Variants in AMBRA1 observed in about 807,000 individuals in gnomAD.
The protein encoded by AMBRA1 is autophagy and beclin 1 regulator 1.
Under a neutral mutation model 125.4 loss-of-function variants are expected in AMBRA1, and 47 were observed. The ratio of observed to expected loss-of-function variants is 0.37; its 90% CI spans 0.30 to 0.48. The LOEUF (loss-of-function observed/expected upper bound fraction) is 0.48, where lower values mean the gene tolerates loss of function less well. Among genes scored for constraint, AMBRA1 ranks in the 20% least tolerant of loss-of-function variants. The pLI is 0.99. For synonymous variants in AMBRA1, 626 were observed against 655.5 expected, an observed-to-expected ratio of 0.95 and a Z score of 0.69; for missense variants, 1,331 against 1,693.4, an observed-to-expected ratio of 0.79 and a Z score of 3.76.
At chr11:46,572,068 C>T (rs1205607791) in intron 1 of AMBRA1, among the ~76,000 whole-genome samples, 3 of 152,028 alleles carry the variant, frequency 2.0e-5, no homozygotes, top group Non-Finnish European at 2.9e-5. Flanking sequence ...TTTGCGAGGC[C>T]GAGGTGGGTG....
intron 17 of AMBRA1, among the ~76,000 whole-genome samples, chr11:46,407,035 C>T (rs1002161732): frequency 6.7e-6 from 1 of 150,152 alleles, no homozygotes; most frequent in Admixed American, 6.6e-5. Flanking sequence ...AGAAATTAGC[C>T]GGGAGTGGTG....
chr11:46,507,396 G>C (rs1172147926), intron 9 of AMBRA1, among the ~76,000 whole-genome samples: 1 of 143,254 alleles, frequency 7.0e-6, no homozygotes, highest in South Asian at 2.3e-4. Context: ...GGAGAATGGC[G>C]TGAACTCGGG....
chr11:46,483,154 T>C (rs552209598), intron 11 of AMBRA1, among the ~76,000 whole-genome samples: 2 of 152,274 alleles, frequency 1.3e-5, no homozygotes, highest in African/African-American at 2.4e-5. Context: ...ACTGGGCCTA[T>C]GATAAACCCA....
chr11:46,480,914 AG>A (rs1950039107), intron 11 of AMBRA1, among the ~76,000 whole-genome samples: 1 of 152,186 alleles, frequency 6.6e-6, no homozygotes, highest in African/African-American at 2.4e-5. Flanking sequence ...CCTCTTAAAG[AG>A]GGATCTCTAA....
intron 9 of AMBRA1, among the ~76,000 whole-genome samples, chr11:46,503,206 G>A (rs913879094): frequency 5.3e-5 from 8 of 151,790 alleles, no homozygotes; most frequent in African/African-American, 1.9e-4. Flanking sequence ...TTGACATAAA[G>A]TGAGAGATGT....
At chr11:46,484,186 T>C (rs1950182150) in intron 11 of AMBRA1, among the ~76,000 whole-genome samples, 1 of 152,130 alleles carries the variant, frequency 6.6e-6, no homozygotes, top group African/African-American at 2.4e-5. Flanking sequence ...TAAAGAAATA[T>C]AACAAAGAAA....
chr11:46,480,555 A>C (rs960647742), intron 11 of AMBRA1, among the ~76,000 whole-genome samples: 1 of 152,214 alleles, frequency 6.6e-6, no homozygotes, highest in Non-Finnish European at 1.5e-5. Context: ...TCTTTGCTCT[A>C]GATCAACATG....
Position 46,496,981 on chromosome 11 carries a change from G to A in AMBRA1, c.2340-2777C>T, listed in dbSNP as rs147792882. On this transcript the variant is annotated intron_variant, in intron 9 of 17. Transcript: ENST00000683756. ...ACAAAAATTAGCCAGACGTGATGGC[G>A]AGCGCCTGTAATCTCAGCTACTTGG... is the stretch of plus-strand genomic sequence containing the variant. Among the ~76,000 whole-genome samples the A allele has an allele frequency of 7.0e-3, 1,059 of 151,962 alleles. 17 individuals carry two copies. Among genetic ancestry groups the A allele is most frequent in the African/African-American group, 0.024 (1,010 of 41,432 alleles).
chr11:46,564,026 C>T (rs1048495726), intron 1 of AMBRA1, among the ~76,000 whole-genome samples: 2 of 151,540 alleles, frequency 1.3e-5, no homozygotes, highest in African/African-American at 4.8e-5. Flanking sequence ...TGCCTGTAAT[C>T]CCAACTACTT....
At chr11:46,505,777 G>GT (rs1002607400) in intron 9 of AMBRA1, among the ~76,000 whole-genome samples, 1 of 151,986 alleles carries the variant, frequency 6.6e-6, no homozygotes, top group African/African-American at 2.4e-5. Flanking sequence ...AGAGGAGGTG[G>GT]TAGCAGGAGA....
chr11:46,502,173 A>G (rs1026813184), intron 9 of AMBRA1, among the ~76,000 whole-genome samples: 20 of 152,228 alleles, frequency 1.3e-4, no homozygotes, highest in African/African-American at 3.9e-4. Flanking sequence ...TCCGCCTCCT[A>G]GGTTCAAGCA....
In AMBRA1 at chr11:46,412,129, C is replaced by T. The variant is rs749334669; in HGVS notation, c.3117-1761G>A. Among the ~76,000 whole-genome samples the T allele has an allele frequency of 2.8e-4, 43 of 152,306 alleles. 1 individual carries two copies. The highest frequency in any genetic ancestry group is 1.5e-3 in the South Asian group (7 of 4,824). ...AAGGCCACCTCTTTAAAAAGCAGTA[C>T]AGTTGTCCCTTGGTATCTTTGGGGA... On this transcript the variant is annotated intron_variant, in intron 15 of 17. Coordinates refer to ENST00000683756, the MANE Select transcript of AMBRA1 (RefSeq NM_001387011.1).
intron 7 of AMBRA1, among the ~76,000 whole-genome samples, chr11:46,516,392 C>A (rs1951483298): frequency 6.7e-6 from 1 of 150,156 alleles, no homozygotes; most frequent in African/African-American, 2.5e-5. Flanking sequence ...ATGTTTACCA[C>A]CATTGCTAGG....
chr11:46,591,719 G>A (rs1005618442), intron 1 of AMBRA1, among the ~76,000 whole-genome samples: 4 of 151,764 alleles, frequency 2.6e-5, no homozygotes, highest in African/African-American at 9.7e-5. Context: ...AGCTGGGCGT[G>A]GTGGCGACGC....
In AMBRA1 at chr11:46,542,103, A is replaced by G. The variant is rs1382095620; in HGVS notation, c.1914T>C (p.Ala638=). The change falls in exon 7 of 18, where the codon GCT becomes GCC. Residue 638 remains alanine, a synonymous_variant. Coordinates refer to ENST00000683756, the MANE Select transcript of AMBRA1 (RefSeq NM_001387011.1). The surrounding 1 kb of genome is among the most constrained non-coding windows in gnomAD (Gnocchi z 5.9). The part of the protein sequence containing the change: ...SSSRLELSSS[A]SPQEERTVGV... ...CCACAGTCCTCTCCTCCTGCGGACT[A>G]GCAGAGCTGCTCAACTCCAGCCTGC... is the stretch of plus-strand genomic sequence containing the variant. 5 of 1,614,008 alleles carry G rather than the reference A, an allele frequency of 3.1e-6. No homozygotes were observed. Among genetic ancestry groups the G allele is most frequent in the Non-Finnish European group, 4.2e-6 (5 of 1,179,952 alleles).
chr11:46,536,087 T>C (rs1351115634), intron 7 of AMBRA1, among the ~76,000 whole-genome samples: 1 of 152,230 alleles, frequency 6.6e-6, no homozygotes, highest in Admixed American at 6.5e-5. Flanking sequence ...TGATGGGATA[T>C]AGTAATAGGT....
chr11:46,494,308 A>C (rs1296441923), intron 9 of AMBRA1, 104 bp from the exon 10 acceptor site: 3 of 906,538 alleles, frequency 3.3e-6, no homozygotes, highest in Non-Finnish European at 5.1e-6. Context: ...CACTTAGGAG[A>C]GGACCCCACA....
chr11:46,561,402 T>C (rs1002834654), intron 1 of AMBRA1, among the ~76,000 whole-genome samples: 20 of 150,570 alleles, frequency 1.3e-4, no homozygotes, highest in African/African-American at 4.6e-4. Flanking sequence ...GAAAGAATAT[T>C]GTCAGAAAAA....
intron 1 of AMBRA1, among the ~76,000 whole-genome samples, chr11:46,575,467 A>C (rs1591168401): frequency 6.6e-6 from 1 of 151,550 alleles, no homozygotes; most frequent in Non-Finnish European, 1.5e-5. Flanking sequence ...AAAAAAAAAA[A>C]AAACTAGGTA....
Sources: allele counts gnomAD v4.1 joint callset (sites outside exome capture counted in the v4.1 genomes callset), GRCh38; gene constraint gnomAD v4.1.1; non-coding constraint Gnocchi (gnomAD v3.1); transcripts MANE v1.5; gene names NCBI Gene and HGNC (gene_info 2026-07-23, HGNC 2026-07-21).